Variants in TSPAN12 observed in about 807,000 individuals in gnomAD.
The protein encoded by TSPAN12 is tetraspanin 12.
In TSPAN12, 19 loss-of-function variants were observed where a neutral mutation model predicts 39.2. That is an observed-to-expected ratio of 0.49 (90% CI 0.34 to 0.71). The LOEUF is 0.71. TSPAN12 is among the 30% of genes least tolerant of loss of function. The pLI is 0.01. For synonymous variants in TSPAN12, 119 were observed against 124.8 expected (o/e 0.95, Z 0.31); for missense variants, 314 against 359.9 (o/e 0.87, Z 1.03).
At position 120,796,598 on chromosome 7, in the gene TSPAN12, G is replaced by GA. The variant is rs564580437; in HGVS notation, c.613-7702dup. ...GAGATAAGGGAATTGGGATGTAGAA[G>GA]AAAAAAATCTCTACACTCAGCTTGC... On this transcript the variant is annotated intron_variant, in intron 7 of 7. Transcript: ENST00000222747. Among the ~76,000 whole-genome samples, 210 of 152,102 alleles carry GA rather than the reference G, an allele frequency of 1.4e-3. 2 individuals carry two copies. Among genetic ancestry groups the GA allele is most frequent in the African/African-American group, 4.8e-3 (201 of 41,492 alleles).
intron 2 of TSPAN12, among the ~76,000 whole-genome samples, chr7:120,851,873 A>G (rs962005845): frequency 1.3e-5 from 2 of 151,814 alleles, no homozygotes; most frequent in African/African-American, 4.8e-5. Context: ...TTTTGTGCCG[A>G]CCCCAGTACA....
chr7:120,826,992 A>G (rs6964786), intron 4 of TSPAN12, among the ~76,000 whole-genome samples: 59,452 of 152,056 alleles, frequency 0.39, 14,024 homozygotes, highest in African/African-American at 0.66. Context: ...CAAAATGCTG[A>G]GATTATAGGC....
intron 6 of TSPAN12, among the ~76,000 whole-genome samples, chr7:120,807,332 A>G (rs1331420351): frequency 6.6e-6 from 1 of 152,160 alleles, no homozygotes; most frequent in Non-Finnish European, 1.5e-5. Context: ...TAGCTTGAAT[A>G]AAATTGGATT....
intron 6 of TSPAN12, among the ~76,000 whole-genome samples, chr7:120,809,819 C>T (rs145750871): frequency 1.1e-3 from 172 of 152,150 alleles, no homozygotes; most frequent in African/African-American, 4.0e-3. Flanking sequence ...AAATGCTAAA[C>T]GCACCTATAC....
Position 120,856,688 on chromosome 7 carries a change from A to G in TSPAN12, c.66+10T>C. On this transcript the variant is annotated intron_variant, in intron 2 of 7. Coordinates refer to ENST00000222747, the MANE Select transcript of TSPAN12 (RefSeq NM_012338.4). ...CGTTCCCACCTGTTGGTGCAGTGAA[A>G]CTTACTTACCCAAAAGAGCAGATTG... is the stretch of plus-strand genomic sequence containing the variant. The G allele has an allele frequency of 6.2e-7, 1 of 1,614,132 alleles. No individual in the cohort carries two copies. Among genetic ancestry groups the G allele is most frequent in the South Asian group, 1.1e-5 (1 of 91,072 alleles).
intron 4 of TSPAN12, among the ~76,000 whole-genome samples, chr7:120,838,342 C>G (rs1036813182): frequency 6.6e-6 from 1 of 152,154 alleles, no homozygotes; most frequent in African/African-American, 2.4e-5. Context: ...GTTCTCTAAA[C>G]TATATAAAGG....
intron 7 of TSPAN12, among the ~76,000 whole-genome samples, chr7:120,800,406 G>A (rs1793744145): frequency 2.0e-5 from 3 of 152,140 alleles, no homozygotes; most frequent in Non-Finnish European, 4.4e-5. Flanking sequence ...AAGCTGGTAA[G>A]AATGGTGAGA....
intron 7 of TSPAN12, among the ~76,000 whole-genome samples, chr7:120,802,091 G>A (rs375705948): frequency 3.3e-5 from 5 of 152,246 alleles, no homozygotes; most frequent in African/African-American, 1.2e-4. Context: ...CTGCACTTCA[G>A]TAACTGATAT....
At chr7:120,798,462 C>CCTGCAAA (rs1315324534) in intron 7 of TSPAN12, among the ~76,000 whole-genome samples, 5 of 152,250 alleles carry the variant, frequency 3.3e-5, no homozygotes, top group African/African-American at 9.6e-5. Flanking sequence ...AACCACTGAA[C>CCTGCAAA]CTGCAAACTG....
intron 2 of TSPAN12, among the ~76,000 whole-genome samples, chr7:120,852,677 T>A (rs1794791664): frequency 6.6e-6 from 1 of 152,220 alleles, no homozygotes; most frequent in African/African-American, 2.4e-5. Context: ...GGACAGCTAA[T>A]CCCTTCCTTC....
chr7:120,829,702 T>A (rs1794355662), intron 4 of TSPAN12, among the ~76,000 whole-genome samples: 1 of 152,170 alleles, frequency 6.6e-6, no homozygotes, highest in Non-Finnish European at 1.5e-5. Context: ...TTCAATAGCA[T>A]GTGCTGCCAG....
intron 2 of TSPAN12, among the ~76,000 whole-genome samples, chr7:120,851,363 C>G (rs187521642): frequency 7.2e-5 from 11 of 152,250 alleles, no homozygotes; most frequent in Admixed American, 7.2e-4. Context: ...TTATAAGTTA[C>G]TTTTCATATT....
chr7:120,823,296 G>GAT (rs140989111), intron 4 of TSPAN12, among the ~76,000 whole-genome samples: 2,574 of 147,474 alleles, frequency 0.017, 29 homozygotes, highest in African/African-American at 0.031. Context: ...AGAATGTTCT[G>GAT]ATATATATAT....
chr7:120,822,115 T>C (rs558969276), intron 4 of TSPAN12, among the ~76,000 whole-genome samples: 1 of 152,220 alleles, frequency 6.6e-6, no homozygotes, highest in East Asian at 1.9e-4. Flanking sequence ...TGGAAGTATC[T>C]GAGGAGGAAA....
intron 2 of TSPAN12, among the ~76,000 whole-genome samples, chr7:120,840,623 C>T (rs950449541): frequency 1.3e-5 from 2 of 152,130 alleles, no homozygotes; most frequent in Non-Finnish European, 2.9e-5. Flanking sequence ...AGTATATAAA[C>T]TCATACACAT....
chr7:120,849,100 C>T (rs1794725432), intron 2 of TSPAN12, among the ~76,000 whole-genome samples: 1 of 152,196 alleles, frequency 6.6e-6, no homozygotes, highest in Non-Finnish European at 1.5e-5. Flanking sequence ...GGTTTTATAG[C>T]TCCTTTTGCT....
At chr7:120,821,327 G>A (rs1794183859) in intron 4 of TSPAN12, among the ~76,000 whole-genome samples, 1 of 151,620 alleles carries the variant, frequency 6.6e-6, no homozygotes, top group Admixed American at 6.6e-5. Flanking sequence ...CCAAGTCACT[G>A]AAGCTGAGAA....
chr7:120,850,410 A>C (rs1794748508), intron 2 of TSPAN12, among the ~76,000 whole-genome samples: 1 of 152,218 alleles, frequency 6.6e-6, no homozygotes, highest in African/African-American at 2.4e-5. Context: ...AGTCACTATA[A>C]GTAGAAGAAG....
At chr7:120,824,886 T>C (rs1325367119) in intron 4 of TSPAN12, among the ~76,000 whole-genome samples, 2 of 152,156 alleles carry the variant, frequency 1.3e-5, no homozygotes, top group Admixed American at 6.6e-5. Flanking sequence ...TTGAAAAACA[T>C]AGGAAAAGAT....
Sources: gnomAD v4.1 joint callset for allele counts (sites outside exome capture counted in the v4.1 genomes callset) on GRCh38, gnomAD v4.1.1 for gene constraint, MANE v1.5 for transcripts, NCBI Gene and HGNC (gene_info 2026-07-23, HGNC 2026-07-21) for gene names.